GBA2: variants seen among roughly 807,000 people sequenced by gnomAD.
The protein encoded by GBA2 is glucosylceramidase beta 2, also known as non-lysosomal glucosylceramidase.
GBA2 carries 79 observed loss-of-function variants against 112.9 expected under a neutral mutation model. The observed-to-expected ratio is 0.70, with a 90% CI of 0.58 to 0.84. The LOEUF is 0.84. Among genes scored for constraint, GBA2 ranks in the 40% least tolerant of loss-of-function variants. The pLI, the probability that GBA2 is intolerant of heterozygous loss-of-function variation, is 0.00. For synonymous variants in GBA2, 403 were observed against 434.3 expected, an observed-to-expected ratio of 0.93 and a Z score of 0.90; for missense variants, 1,043 against 1,190.0, an observed-to-expected ratio of 0.88 and a Z score of 1.82.
chr9:35,745,009 C>T (rs764935746), intron 1 of GBA2, among the ~76,000 whole-genome samples: 8 of 152,184 alleles, frequency 5.3e-5, no homozygotes, highest in East Asian at 1.9e-4. Context: ...TTCTGTCTGA[C>T]GTGCTGAAAG....
chr9:35,737,231 C>T lies in GBA2; in HGVS notation c.2722G>A (p.Gly908Arg). 6.2e-7 allele frequency: 1 copy of T among 1,613,470 alleles called. No individual in the cohort carries two copies. Among genetic ancestry groups the T allele is most frequent in the South Asian group, 1.1e-5 (1 of 91,090 alleles). Reference protein sequence around the residue: ...ASWPKVKQGTGLRTGPMFGPK... With the variant: ...ASWPKVKQGTRLRTGPMFGPK... Reference sequence around the variant, plus strand: ...CCAAACATAGGCCCTGTCCTTAGTCCTGTGCCCTGTTTGACTTTTGGCCAG... The same window carrying T: ...CCAAACATAGGCCCTGTCCTTAGTCTTGTGCCCTGTTTGACTTTTGGCCAG... The change falls in exon 17 of 17, where the codon GGA (glycine) becomes AGA (arginine). Residue 908 changes from glycine to arginine, a missense_variant. Transcript: ENST00000378103. This position sits in a 1 kb window ranked among gnomAD's most constrained non-coding sequence, Gnocchi z 4.1.
Position 35,737,294 on chromosome 9 carries a change from G to A in GBA2, c.2659C>T (p.Gln887Ter), listed in dbSNP as rs918460586. Residue 887 changes from glutamine (Q) to a stop codon, truncating the protein, a stop_gained, in exon 17 of 17, where the codon CAG becomes TAG. Coordinates refer to ENST00000378103, the MANE Select transcript of GBA2 (RefSeq NM_020944.3). LOFTEE classifies it low-confidence loss of function (END_TRUNC). This position sits in a 1 kb window ranked among gnomAD's most constrained non-coding sequence, Gnocchi z 4.1. ...YMRPLSIWAM[Q>*]LALQQQQHKK... ...TGCTGCTGCTGTTGCAGGGCTAGCT[G>A]CATGGCCCATATGCTCAGTGGCCGC... 1.2e-6 allele frequency: 2 copies of A among 1,614,028 alleles called. No homozygotes were observed. Among genetic ancestry groups the A allele is most frequent in the South Asian group, 2.2e-5 (2 of 91,088 alleles).
chr9:35,737,613 C>T lies in GBA2; in HGVS notation c.2505+135G>A. ...AAGCCTGAAGGCAGGAGCTGGAATG[C>T]ATACCAGGGAAAAATGGGAGGCTTT... On this transcript the variant is annotated intron_variant, in intron 16 of 16. Coordinates refer to ENST00000378103, the MANE Select transcript of GBA2 (RefSeq NM_020944.3). This position sits in a 1 kb window ranked among gnomAD's most constrained non-coding sequence, Gnocchi z 4.1. 1 of 1,574,920 alleles carries T rather than the reference C, an allele frequency of 6.3e-7. No homozygotes were observed. The highest frequency in any genetic ancestry group is 8.6e-7 in the Non-Finnish European group (1 of 1,159,084).
chr9:35,739,847 A>G, intron 8 of GBA2, 47 bp from the exon 9 acceptor site: 1 of 1,586,874 alleles, frequency 6.3e-7, no homozygotes, highest in Non-Finnish European at 8.6e-7. Flanking sequence ...TGTACCTCCC[A>G]AGATGGAAAG....
chr9:35,737,902 G>C lies in GBA2; in HGVS notation c.2351C>G (p.Thr784Ser), dbSNP rs746367894. 1 of 1,613,192 alleles carries C rather than the reference G, an allele frequency of 6.2e-7. No individual in the cohort carries two copies. Among genetic ancestry groups the C allele is most frequent in the Non-Finnish European group, 8.5e-7 (1 of 1,179,984 alleles). The part of the protein sequence containing the change: ...PTQHVVRALQ[T>S]IFELNVQAFA... ...GGCCTGGACGTTCAGCTCAAAGATA[G>C]TTTGGAGAGCACGGACCACATGTTG... Residue 784 changes from threonine to serine, a missense_variant, in exon 16 of 17, where the codon ACT becomes AGT. Physicochemically the swap from Thr to Ser is moderately conservative, Grantham distance 58. Coordinates refer to ENST00000378103, the MANE Select transcript of GBA2 (RefSeq NM_020944.3). The surrounding 1 kb of genome is among the most constrained non-coding windows in gnomAD (Gnocchi z 4.1).
In GBA2 at chr9:35,738,021, C is replaced by G. The variant is rs372001753; in HGVS notation, c.2313+16G>C. 90 of 1,592,770 alleles carry G rather than the reference C, an allele frequency of 5.7e-5. No individual in the cohort carries two copies. In the African/African-American group the frequency reaches 7.3e-4, roughly 13 times the overall value. The stretch of plus-strand genomic sequence containing the variant: ...AAACCCATTTTTCTCTCTGGCTGCT[C>G]CTCCTCCTCTCTCACCTCAGTGTCT... On this transcript the variant is annotated intron_variant, in intron 15 of 16. Coordinates refer to ENST00000378103, the MANE Select transcript of GBA2 (RefSeq NM_020944.3).
intron 3 of GBA2, among the ~76,000 whole-genome samples, chr9:35,742,465 C>T (rs1826745723): frequency 6.6e-6 from 1 of 152,232 alleles, no homozygotes; most frequent in Non-Finnish European, 1.5e-5. Flanking sequence ...CAAAAGCCAT[C>T]TCTTCCTCCT....
intron 13 of GBA2, 69 bp downstream of exon 13, chr9:35,738,457 C>T (rs1826391068): frequency 6.3e-7 from 1 of 1,589,862 alleles, no homozygotes; most frequent in Admixed American, 1.7e-5. Context: ...GTCATTCTTT[C>T]TTGAGCCCTA....
chr9:35,737,654 G>A lies in GBA2; in HGVS notation c.2505+94C>T, dbSNP rs749758335. 6.2e-7 allele frequency: 1 copy of A among 1,609,494 alleles called. No individual in the cohort carries two copies. Among genetic ancestry groups the A allele is most frequent in the South Asian group, 1.1e-5 (1 of 90,482 alleles). ...GGGAGGCTTTATAGACGGACAAGATGGCATTGGGTTATGCCTTGAAGAAAT... is the reference window on the plus strand; with the variant it reads ...GGGAGGCTTTATAGACGGACAAGATAGCATTGGGTTATGCCTTGAAGAAAT... On this transcript the variant is annotated intron_variant, in intron 16 of 16. Transcript: ENST00000378103. The surrounding 1 kb of genome is among the most constrained non-coding windows in gnomAD (Gnocchi z 4.1).
rs1588022580 is a variant in GBA2 at position 35,744,283 on chromosome 9, C to T, written c.567+14G>A. On this transcript the variant is annotated intron_variant, in intron 3 of 16. Coordinates refer to ENST00000378103, the MANE Select transcript of GBA2 (RefSeq NM_020944.3). ...GGAGGTATTGTCCTGGCCTCTCCAC[C>T]TCCTGGCTCTTACTTGGTCAGCGAT... 2 of 1,500,562 alleles carry T rather than the reference C, an allele frequency of 1.3e-6. No individual in the cohort carries two copies. Among genetic ancestry groups the T allele is most frequent in the Non-Finnish European group, 1.9e-6 (2 of 1,076,572 alleles). The allele number at this position is 1,500,562 out of a possible 1,614,324, so 93.0% of individuals were successfully genotyped here. A position where few individuals can be genotyped will look rare whatever the true frequency, so the allele number is the denominator to read the frequency against.
Position 35,741,897 on chromosome 9 carries a change from A to G in GBA2, c.568-7T>C. ...GACGCAGGCACACTGTGAACTTAAG[A>G]GGGCAGATAGGCTGGAACGGGGTAA... On this transcript the variant is annotated splice_region_variant and splice_polypyrimidine_tract_variant and intron_variant, in intron 3 of 16. Coordinates refer to ENST00000378103, the MANE Select transcript of GBA2 (RefSeq NM_020944.3). This position sits in a 1 kb window ranked among gnomAD's most constrained non-coding sequence, Gnocchi z 4.6. 1 of 1,603,494 alleles carries G rather than the reference A, an allele frequency of 6.2e-7. No homozygotes were observed. The highest frequency in any genetic ancestry group is 8.5e-7 in the Non-Finnish European group (1 of 1,170,518).
rs1332822479 is a variant in GBA2, at chr9:35,740,915, C to T, written c.936G>A (p.Leu312=). The part of the protein sequence containing the change: ...PGGLWNEPFC[L]ERSGETVRGL... ...CCCGGACAGTTTCCCCGCTACGCTC[C>T]AGACAGAAGGGCTCATTCCACAAAC... is the stretch of plus-strand genomic sequence containing the variant. Residue 312 remains leucine (L), a synonymous_variant, in exon 5 of 17, where the codon CTG becomes CTA. Transcript: ENST00000378103. This position sits in a 1 kb window ranked among gnomAD's most constrained non-coding sequence, Gnocchi z 4.7. 8 of 1,614,112 alleles carry T rather than the reference C, an allele frequency of 5.0e-6. No individual in the cohort carries two copies. Among genetic ancestry groups the T allele is most frequent in the Non-Finnish European group, 6.8e-6 (8 of 1,179,974 alleles).
At chr9:35,748,157 AG>A (rs1355079148) in intron 1 of GBA2, among the ~76,000 whole-genome samples, 188 bp downstream of exon 1, 1 of 152,202 alleles carries the variant, frequency 6.6e-6, no homozygotes, top group Non-Finnish European at 1.5e-5. Context: ...CTGGGAGGGA[AG>A]GGTGTTGCAA....
At position 35,748,544 on chromosome 9, in the gene GBA2, G is replaced by C. The variant is rs1563969995; in HGVS notation, c.161C>G (p.Pro54Arg). The change falls in exon 1 of 17, where the codon CCA becomes CGA. Residue 54 changes from proline (P) to arginine (R), a missense_variant. Physicochemically the swap from Pro to Arg is moderately radical, Grantham distance 103 (BLOSUM62 -2). Transcript: ENST00000378103. ...CGGATTGCAGCAGTCCGTCTCTTTT[G>C]GGGGTCGGCTGTCTTCGGGACTCTT... Reference protein sequence around the residue: ...DCKSPEDSRPPKETDCCNPED... With the variant: ...DCKSPEDSRPRKETDCCNPED... 1 of 1,614,210 alleles carries C rather than the reference G, an allele frequency of 6.2e-7. No individual in the cohort carries two copies. The highest frequency in any genetic ancestry group is 8.5e-7 in the Non-Finnish European group (1 of 1,180,026).
rs774411642 is a variant in GBA2, at chr9:35,737,840, G to A, written c.2413C>T (p.Gln805Ter). The A allele has an allele frequency of 4.3e-6, 7 of 1,613,354 alleles. No individual in the cohort carries two copies. Among genetic ancestry groups the A allele is most frequent in the Non-Finnish European group, 5.9e-6 (7 of 1,179,574 alleles). ...GGAMGAVNGM[Q>*]PHGVPDKSSV... The stretch of plus-strand genomic sequence containing the variant: ...GATTTATCAGGGACACCATGGGGCT[G>A]CATCCCATTCACAGCCCCCATGGCC... Residue 805 changes from glutamine to a stop codon, truncating the protein, a stop_gained, in exon 16 of 17, where the codon CAG (glutamine) becomes TAG (stop). Transcript: ENST00000378103. LOFTEE classifies it high-confidence loss of function. This position sits in a 1 kb window ranked among gnomAD's most constrained non-coding sequence, Gnocchi z 4.1.
Position 35,737,092 on chromosome 9 carries a change from G to A in GBA2, c.*77C>T. On this transcript the variant is annotated 3_prime_UTR_variant, in exon 17 of 17. Coordinates refer to ENST00000378103, the MANE Select transcript of GBA2 (RefSeq NM_020944.3). The surrounding 1 kb of genome is among the most constrained non-coding windows in gnomAD (Gnocchi z 4.1). ...ATTGTCCTGATGGCTCAGGGTTGCA[G>A]GAGGTTCAGAGGGGAAGGAGGAAAG... The A allele has an allele frequency of 1.9e-6, 3 of 1,540,766 alleles. No homozygotes were observed. Among genetic ancestry groups the A allele is most frequent in the Non-Finnish European group, 2.6e-6 (3 of 1,150,160 alleles).
rs1376151840 is a variant in GBA2 at position 35,744,315 on chromosome 9, C to A, written c.549G>T (p.Arg183=). The change falls in exon 3 of 17, where the codon CGG becomes CGT. Residue 183 remains arginine, a synonymous_variant. Transcript: ENST00000378103. The part of the protein sequence containing the change: ...WQLNPGMYQH[R]TVIADQFTVC... ...CTCTTACTTGGTCAGCGATGACTGTCCGGTGCTGATACATTCCAGGGTTAA... is the reference window on the plus strand; with the variant it reads ...CTCTTACTTGGTCAGCGATGACTGTACGGTGCTGATACATTCCAGGGTTAA... The A allele has an allele frequency of 1.9e-6, 3 of 1,607,134 alleles. No individual in the cohort carries two copies. The highest frequency in any genetic ancestry group is 2.6e-6 in the Non-Finnish European group (3 of 1,173,778).
At chr9:35,744,519 C>A in intron 2 of GBA2, 96 bp downstream of exon 2, 1 of 1,031,376 alleles carries the variant, frequency 9.7e-7, no homozygotes, top group South Asian at 1.3e-5. Flanking sequence ...GGGGATGGAA[C>A]AGTGCAATTT....
Position 35,748,795 on chromosome 9 carries a change from TC to T in GBA2, c.-92del. ...GGGCGCCGGTCGTTGTTAGGTATCGTCCCGGAGGGCCGGGCGTTGGGGAAAG... is the reference window on the plus strand; with the variant it reads ...GGGCGCCGGTCGTTGTTAGGTATCGTCCGGAGGGCCGGGCGTTGGGGAAAG... On this transcript the variant is annotated 5_prime_UTR_variant, in exon 1 of 17. The change abolishes the stop of an existing upstream ORF in the 5' untranslated region. Coordinates refer to ENST00000378103, the MANE Select transcript of GBA2 (RefSeq NM_020944.3). 1.3e-6 allele frequency: 1 copy of T among 780,078 alleles called. No homozygotes were observed. The highest frequency in any genetic ancestry group is 1.9e-5 in the South Asian group (1 of 53,512). 48.3% of individuals were successfully genotyped at this position (780,078 alleles called of 1,614,324 possible).
Sources: allele counts gnomAD v4.1 joint callset (sites outside exome capture counted in the v4.1 genomes callset), GRCh38; gene constraint gnomAD v4.1.1; non-coding constraint Gnocchi (gnomAD v3.1); transcripts MANE v1.5; gene names NCBI Gene and HGNC (gene_info 2026-07-23, HGNC 2026-07-21).